Variants in KCNS3 observed in about 807,000 individuals in gnomAD.
KCNS3 encodes delayed-rectifier potassium channel regulatory subunit KCNS3.
Under a neutral mutation model 31.0 loss-of-function variants are expected in KCNS3, and 13 were observed. That is an observed-to-expected ratio of 0.42 (90% CI 0.27 to 0.67). The LOEUF is 0.67. Among genes scored for constraint, KCNS3 ranks in the 30% least tolerant of loss-of-function variants. The probability of loss-of-function intolerance (pLI) is 0.25; values close to 1 mark genes in which losing one functional copy is unlikely to be tolerated. For missense variants in KCNS3, 545 were observed against 622.4 expected, an observed-to-expected ratio of 0.88 and a Z score of 1.32; for synonymous variants, 238 against 241.5, an observed-to-expected ratio of 0.99 and a Z score of 0.13.
intron 1 of KCNS3, among the ~76,000 whole-genome samples, chr2:17,884,281 A>ATATATG (rs1490079205): frequency 1.2e-4 from 14 of 119,446 alleles, no homozygotes; most frequent in Admixed American, 6.0e-4. Flanking sequence ...ATATATATAT[A>ATATATG]TATATATATA....
At chr2:17,930,477 G>C (rs1662934386) in intron 2 of KCNS3, among the ~76,000 whole-genome samples, 3 of 152,118 alleles carry the variant, frequency 2.0e-5, no homozygotes, top group Admixed American at 6.5e-5. Flanking sequence ...TGAGTGTGTT[G>C]GGGGCATGAC....
At chr2:17,930,575 G>A (rs1233924708) in intron 2 of KCNS3, among the ~76,000 whole-genome samples, 1 of 152,274 alleles carries the variant, frequency 6.6e-6, no homozygotes, top group East Asian at 1.9e-4. Context: ...AACATGAAGA[G>A]CTTGTGCTTG....
intron 1 of KCNS3, among the ~76,000 whole-genome samples, chr2:17,909,054 A>G (rs1038750459): frequency 2.6e-5 from 4 of 152,192 alleles, no homozygotes; most frequent in Admixed American, 2.6e-4. Flanking sequence ...CCCGCCCCAG[A>G]GGTGGAGTCT....
At chr2:17,905,525 C>A (rs1275338573) in intron 1 of KCNS3, among the ~76,000 whole-genome samples, 2 of 152,196 alleles carry the variant, frequency 1.3e-5, no homozygotes, top group Non-Finnish European at 2.9e-5. Context: ...GAGAGGGCAT[C>A]CCTGTCTTGT....
At chr2:17,912,210 T>G (rs1042229411) in intron 1 of KCNS3, among the ~76,000 whole-genome samples, 2 of 152,220 alleles carry the variant, frequency 1.3e-5, no homozygotes, top group African/African-American at 4.8e-5. Flanking sequence ...ACCCTGGGAT[T>G]TTGTGATACA....
chr2:17,932,017 A>G lies in KCNS3; in HGVS notation c.1009A>G (p.Ile337Val), dbSNP rs760534267. 3.7e-6 allele frequency: 6 copies of G among 1,613,782 alleles called. No individual in the cohort carries two copies. Among genetic ancestry groups the G allele is most frequent in the African/African-American group, 1.3e-5 (1 of 74,876 alleles). Residue 337 changes from isoleucine to valine, a missense_variant, in exon 3 of 3, where the codon ATT becomes GTT. Physicochemically the swap from Ile to Val is conservative, Grantham distance 29 (BLOSUM62 3). Transcript: ENST00000304101. ...TCTCTTCCTCTCTGTGGGCATTTCC[A>G]TTTTCTCTGTGCTTATCTACTCCGT... is the stretch of plus-strand genomic sequence containing the variant. ...LLLFLSVGIS[I>V]FSVLIYSVEK...
chr2:17,930,115 A>G (rs756190996), intron 2 of KCNS3, among the ~76,000 whole-genome samples: 1 of 152,220 alleles, frequency 6.6e-6, no homozygotes, highest in African/African-American at 2.4e-5. Flanking sequence ...CTCAGCCAGT[A>G]TAGACAATCT....
chr2:17,905,595 G>A (rs1289837130), intron 1 of KCNS3, among the ~76,000 whole-genome samples: 2 of 152,126 alleles, frequency 1.3e-5, no homozygotes, highest in Non-Finnish European at 2.9e-5. Flanking sequence ...TTGGCTGTGG[G>A]TTTGTCATAA....
intron 1 of KCNS3, among the ~76,000 whole-genome samples, chr2:17,910,302 G>A (rs1227049864): frequency 6.6e-6 from 1 of 152,178 alleles, no homozygotes; most frequent in African/African-American, 2.4e-5. Flanking sequence ...CTATTGGTGT[G>A]AAGTCATTGG....
At chr2:17,909,171 C>T (rs891599481) in intron 1 of KCNS3, among the ~76,000 whole-genome samples, 2 of 152,246 alleles carry the variant, frequency 1.3e-5, no homozygotes, top group African/African-American at 4.8e-5. Flanking sequence ...GCGCCCCTCC[C>T]CCAGCCTCGC....
intron 2 of KCNS3, among the ~76,000 whole-genome samples, chr2:17,918,430 C>T (rs1268146844): frequency 6.6e-6 from 1 of 152,212 alleles, no homozygotes; most frequent in Non-Finnish European, 1.5e-5. Context: ...TACTGGGCCT[C>T]TGTTCCTAAA....
chr2:17,882,760 A>G (rs1380987977), intron 1 of KCNS3, among the ~76,000 whole-genome samples: 1 of 152,244 alleles, frequency 6.6e-6, no homozygotes, highest in Admixed American at 6.5e-5. Flanking sequence ...AAGGCTTAAA[A>G]TGTACAACAA....
chr2:17,910,232 A>G (rs1367485097), intron 1 of KCNS3, among the ~76,000 whole-genome samples: 4 of 152,250 alleles, frequency 2.6e-5, no homozygotes, highest in Non-Finnish European at 4.4e-5. Context: ...AATAATGAGT[A>G]TAAATGATAT....
upstream of KCNS3, among the ~76,000 whole-genome samples, chr2:17,878,416 G>T (rs577958241): frequency 6.6e-6 from 1 of 151,956 alleles, no homozygotes; most frequent in Admixed American, 6.5e-5. Context: ...GGGCCTGGGC[G>T]GGGGCGCGCG....
chr2:17,924,974 A>G (rs1427748916), intron 2 of KCNS3, among the ~76,000 whole-genome samples: 1 of 152,226 alleles, frequency 6.6e-6, no homozygotes, highest in Non-Finnish European at 1.5e-5. Flanking sequence ...AGCTTTCCAT[A>G]TGAAAATTTT....
At chr2:17,901,249 A>G (rs1203902697) in intron 1 of KCNS3, among the ~76,000 whole-genome samples, 3 of 152,158 alleles carry the variant, frequency 2.0e-5, no homozygotes, top group African/African-American at 7.2e-5. Flanking sequence ...GGCCTAAGGC[A>G]TGGGGGACAG....
intron 1 of KCNS3, among the ~76,000 whole-genome samples, chr2:17,886,276 G>A (rs1572477090): frequency 1.3e-5 from 2 of 152,140 alleles, no homozygotes; most frequent in Admixed American, 1.3e-4. Flanking sequence ...ATGGTGAACC[G>A]AAAAGCATTT....
At chr2:17,915,194 G>A (rs917077194) in intron 1 of KCNS3, among the ~76,000 whole-genome samples, 1 of 152,222 alleles carries the variant, frequency 6.6e-6, no homozygotes, top group African/African-American at 2.4e-5. Flanking sequence ...TCTGCAGAGG[G>A]TGGCAATATT....
intron 1 of KCNS3, among the ~76,000 whole-genome samples, chr2:17,893,929 C>A (rs958232006): frequency 2.8e-5 from 4 of 142,624 alleles, no homozygotes; most frequent in Non-Finnish European, 4.5e-5. Context: ...CTGCCATGAT[C>A]CCAGGAGCCA....
Sources: allele counts gnomAD v4.1 joint callset (sites outside exome capture counted in the v4.1 genomes callset), GRCh38; gene constraint gnomAD v4.1.1; transcripts MANE v1.5; gene names NCBI Gene and HGNC (gene_info 2026-07-23, HGNC 2026-07-21).